CACTIN: variants seen among roughly 807,000 people sequenced by gnomAD.
CACTIN encodes splicing factor Cactin.
CACTIN carries 20 observed loss-of-function variants against 84.9 expected under a neutral mutation model. The ratio of observed to expected loss-of-function variants is 0.24; its 90% CI spans 0.17 to 0.34. The LOEUF is 0.34. Among genes scored for constraint, CACTIN ranks in the 10% least tolerant of loss-of-function variants. The pLI is 1.00. For synonymous variants in CACTIN, 549 were observed against 467.9 expected (o/e 1.17, Z -2.24); for missense variants, 897 against 1,117.2 (o/e 0.80, Z 2.81).
intron 2 of CACTIN, among the ~76,000 whole-genome samples, chr19:3,621,398 G>A (rs529285816): frequency 3.0e-4 from 45 of 152,222 alleles, no homozygotes; most frequent in Non-Finnish European, 4.1e-4. Context: ...AGCCTGGCGC[G>A]GAGCCCCCAC....
rs756079941 is a variant in CACTIN at position 3,614,579 on chromosome 19, G to C, written c.1173C>G (p.Arg391=). 1 of 1,602,258 alleles carries C rather than the reference G, an allele frequency of 6.2e-7. No homozygotes were observed. Among genetic ancestry groups the C allele is most frequent in the Non-Finnish European group, 8.5e-7 (1 of 1,174,914 alleles). The change falls in exon 7 of 10, where the codon CGC becomes CGG. Residue 391 remains arginine (R), a synonymous_variant. Coordinates refer to ENST00000429344, the MANE Select transcript of CACTIN (RefSeq NM_001080543.2). ...EASGKGPGER[R]EGVNASVSSD... ...AGCTGACGGAGGCGTTGACCCCCTC[G>C]CGGCGCTCACCTGCAGCGGGGTGGG...
rs1568290211 is a variant in CACTIN at position 3,612,355 on chromosome 19, G to A, written c.1845C>T (p.Gly615=). The A allele has an allele frequency of 6.2e-7, 1 of 1,609,458 alleles. No individual in the cohort carries two copies. Among genetic ancestry groups the A allele is most frequent in the Non-Finnish European group, 8.5e-7 (1 of 1,178,994 alleles). The change falls in exon 10 of 10, where the codon GGC becomes GGT. Residue 615 remains glycine, a synonymous_variant. Coordinates refer to ENST00000429344, the MANE Select transcript of CACTIN (RefSeq NM_001080543.2). ...IFFRRAKEGM[G]QDEAQFSVEM... ...CCACGCTGAACTGCGCCTCGTCCTGGCCCATGCCCTCCTTGGCCCGCCGGA... is the reference window on the plus strand; with the variant it reads ...CCACGCTGAACTGCGCCTCGTCCTGACCCATGCCCTCCTTGGCCCGCCGGA...
chr19:3,619,964 G>C (rs1349885442), intron 4 of CACTIN, among the ~76,000 whole-genome samples, 163 bp downstream of exon 4: 4 of 152,168 alleles, frequency 2.6e-5, no homozygotes, highest in Non-Finnish European at 2.9e-5. Flanking sequence ...GGGAGGGCAG[G>C]AGACAGAAGC....
At chr19:3,619,277 G>C in intron 4 of CACTIN, 35 bp from the exon 5 acceptor site, 1 of 1,602,306 alleles carries the variant, frequency 6.2e-7, no homozygotes. Context: ...ATCAGAGCCT[G>C]GGCTGTGCCC....
At chr19:3,619,349 C>G in intron 4 of CACTIN, 107 bp from the exon 5 acceptor site, 1 of 1,366,004 alleles carries the variant, frequency 7.3e-7, no homozygotes, top group Non-Finnish European at 9.9e-7. Flanking sequence ...AGGGGCCTGA[C>G]CCGTTGGGGG....
At position 3,623,826 on chromosome 19, in the gene CACTIN, T is replaced by A; in HGVS notation, c.504A>T (p.Ala168=). ...KAFETPEEKR[A]RRLAKKEAKE... ...TGGCCTCCTTCTTGGCCAGCCGCCG[T>A]GCGCGCTTCTCCTCGGGCGTCTCGA... The change falls in exon 2 of 10, where the codon GCA becomes GCT. Residue 168 remains alanine, a synonymous_variant. Coordinates refer to ENST00000429344, the MANE Select transcript of CACTIN (RefSeq NM_001080543.2). 1 of 1,613,214 alleles carries A rather than the reference T, an allele frequency of 6.2e-7. No homozygotes were observed. The highest frequency in any genetic ancestry group is 8.5e-7 in the Non-Finnish European group (1 of 1,179,874).
chr19:3,612,993 TGGA>T, intron 9 of CACTIN, 62 bp downstream of exon 9: 1 of 1,493,050 alleles, frequency 6.7e-7, no homozygotes, highest in East Asian at 2.5e-5. Context: ...GAAATGAGGC[TGGA>T]GAAGCCCCGC....
intron 4 of CACTIN, 129 bp downstream of exon 4, chr19:3,619,998 G>T: frequency 1.8e-6 from 2 of 1,123,484 alleles, no homozygotes; most frequent in Non-Finnish European, 2.5e-6. Flanking sequence ...AAGGGGTCAG[G>T]AAGGGAAGGT....
chr19:3,621,847 C>T lies in CACTIN; in HGVS notation c.643-1045G>A, dbSNP rs115992596. On this transcript the variant is annotated intron_variant, in intron 2 of 9. Transcript: ENST00000429344. ...AGGCAGGGGCGCGGCAGTGTGAGGG[C>T]CCCGAGGCGGAAGGAGCTCGTTGTG... Among the ~76,000 whole-genome samples, 736 of 152,286 alleles carry T rather than the reference C, an allele frequency of 4.8e-3. 7 individuals are homozygous for T. Among genetic ancestry groups the T allele is most frequent in the African/African-American group, 0.016 (679 of 41,564 alleles).
rs768715581 is a variant in CACTIN, at chr19:3,613,278, C to T, written c.1566G>A (p.Pro522=). Residue 522 remains proline, a synonymous_variant, in exon 9 of 10, where the codon CCG becomes CCA. Transcript: ENST00000429344. ...PAEAEVDGAT[P]TEGDGDGDGE... ...CGTCCCCGTCGCCGTCGCCCTCTGTCGGGGTCGCGCCGTCCACCTCGGCCT... is the reference window on the plus strand; with the variant it reads ...CGTCCCCGTCGCCGTCGCCCTCTGTTGGGGTCGCGCCGTCCACCTCGGCCT... 1 of 1,605,342 alleles carries T rather than the reference C, an allele frequency of 6.2e-7. No individual in the cohort carries two copies. Among genetic ancestry groups the T allele is most frequent in the Non-Finnish European group, 8.5e-7 (1 of 1,178,120 alleles).
chr19:3,621,799 C>T (rs942562950), intron 2 of CACTIN, among the ~76,000 whole-genome samples: 1 of 152,100 alleles, frequency 6.6e-6, no homozygotes, highest in African/African-American at 2.4e-5. Flanking sequence ...AGAGAACAGC[C>T]GGGGAAGGGG....
chr19:3,626,335 TC>T (rs923756866), intron 1 of CACTIN, among the ~76,000 whole-genome samples: 3 of 152,228 alleles, frequency 2.0e-5, no homozygotes, highest in African/African-American at 7.2e-5. Context: ...TATGATATGA[TC>T]TGATCTCTCG....
Position 3,610,862 on chromosome 19 carries a change from C to G in CACTIN, c.*1061G>C. The G allele has an allele frequency of 2.2e-6, 1 of 456,768 alleles. No individual in the cohort carries two copies. The highest frequency in any genetic ancestry group is 1.5e-5 in the South Asian group (1 of 64,574). The allele number at this position is 456,768 out of a possible 1,614,324, so 28.3% of individuals were successfully genotyped here. A position where few individuals can be genotyped will look rare whatever the true frequency, so the allele number is the denominator to read the frequency against. On this transcript the variant is annotated 3_prime_UTR_variant, in exon 10 of 10. Transcript: ENST00000429344. ...CCTCTGGGGGTCCGGGAGGCACTTT[C>G]CGTTTTGCTTCTGTTGGAGATGTTC... is the stretch of plus-strand genomic sequence containing the variant.
At chr19:3,622,962 G>A (rs1190122371) in intron 2 of CACTIN, among the ~76,000 whole-genome samples, 1 of 152,206 alleles carries the variant, frequency 6.6e-6, no homozygotes, top group Non-Finnish European at 1.5e-5. Flanking sequence ...TGGGCTGGGC[G>A]CAGTGGCTCA....
Position 3,611,968 on chromosome 19 carries a change from G to A in CACTIN, c.2232C>T (p.Ile744=), listed in dbSNP as rs368442826. The change falls in exon 10 of 10, where the codon ATC becomes ATT. Residue 744 remains isoleucine (I), a synonymous_variant. Coordinates refer to ENST00000429344, the MANE Select transcript of CACTIN (RefSeq NM_001080543.2). The stretch of plus-strand genomic sequence containing the variant: ...GCTTGAAGTGAAACCACAGCTGGAA[G>A]ATGCCGTTGGCAAACTGGCAGCGGA... ...HGFRCQFANG[I]FQLWFHFKRY... is the part of the protein sequence containing the mutation. 1.1e-5 allele frequency: 17 copies of A among 1,613,536 alleles called. No homozygotes were observed. Among genetic ancestry groups the A allele is most frequent in the African/African-American group, 1.3e-5 (1 of 74,948 alleles).
At chr19:3,614,773 A>AG (rs1281366019) in intron 6 of CACTIN, 184 bp from the exon 7 acceptor site, 1 of 614,564 alleles carries the variant, frequency 1.6e-6, no homozygotes, top group East Asian at 2.8e-5. Flanking sequence ...AGCGGAGGGG[A>AG]GGGGGTGGGC....
intron 9 of CACTIN, 68 bp downstream of exon 9, chr19:3,612,990 G>T: frequency 6.7e-7 from 1 of 1,487,640 alleles, no homozygotes; most frequent in Non-Finnish European, 9.0e-7. Flanking sequence ...CGGGAAATGA[G>T]GCTGGAGAAG....
intron 3 of CACTIN, 103 bp downstream of exon 3, chr19:3,620,604 C>A (rs768191497): frequency 2.3e-6 from 2 of 888,878 alleles, no homozygotes; most frequent in Non-Finnish European, 3.4e-6. Context: ...TGAAGCCAGC[C>A]CCCAGGACTT....
chr19:3,621,043 C>G, intron 2 of CACTIN: 1 of 620,878 alleles, frequency 1.6e-6, no homozygotes, highest in Admixed American at 2.3e-5. Context: ...GCTACCCCAA[C>G]TCTCAACAGG....
Sources: allele counts gnomAD v4.1 joint callset (sites outside exome capture counted in the v4.1 genomes callset), GRCh38; gene constraint gnomAD v4.1.1; transcripts MANE v1.5; gene names NCBI Gene and HGNC (gene_info 2026-07-23, HGNC 2026-07-21).